The following SCML2 variants were observed in gnomAD, a reference collection of about 807,000 sequenced individuals.
SCML2 encodes the protein Scm polycomb group protein like 2.
SCML2 carries 6 observed loss-of-function variants against 48.4 expected under a neutral mutation model. The observed-to-expected ratio is 0.12, with a 90% CI of 0.07 to 0.24. The LOEUF (loss-of-function observed/expected upper bound fraction) is 0.24. Ranked by LOEUF, SCML2 falls within the 10% of genes least tolerant of loss-of-function variation. The probability of loss-of-function intolerance (pLI) is 1.00; values close to 1 mark genes in which losing one functional copy is unlikely to be tolerated. For missense variants in SCML2, 377 were observed against 528.2 expected, an observed-to-expected ratio of 0.71 and a Z score of 2.81; for synonymous variants, 181 against 189.5, an observed-to-expected ratio of 0.95 and a Z score of 0.37.
chrX:18,329,864 G>A (rs6527846), intron 3 of SCML2, among the ~76,000 whole-genome samples: 1 of 112,190 alleles, frequency 8.9e-6, no homozygotes, highest in African/African-American at 3.2e-5. Context: ...GATCACCTGA[G>A]GTCAGAGGTT....
chrX:18,320,317 TA>T lies in SCML2; in HGVS notation c.486+14del. ...ACAATAAAAACATGGCAGCTTTTTA[TA>T]ACATCTTTCTTACCTTCTTAAATAA... On this transcript the variant is annotated intron_variant, in intron 6 of 14. Transcript: ENST00000251900. 9.6e-7 allele frequency: 1 copy of T among 1,042,188 alleles called. No individual in the cohort carries two copies. Among genetic ancestry groups the T allele is most frequent in the Non-Finnish European group, 1.3e-6 (1 of 767,217 alleles). The allele number at this position is 1,042,188 out of a possible 1,213,427, so 85.9% of individuals were successfully genotyped here. A position where few individuals can be genotyped will look rare whatever the true frequency, so the allele number is the denominator to read the frequency against.
At chrX:18,351,357 G>A (rs1355952939) in intron 1 of SCML2, among the ~76,000 whole-genome samples, 1 of 110,622 alleles carries the variant, frequency 9.0e-6, no homozygotes, top group Non-Finnish European at 1.9e-5. Flanking sequence ...CAAATTCTAA[G>A]GTATTATGTA....
intron 6 of SCML2, among the ~76,000 whole-genome samples, chrX:18,312,493 C>T (rs1436966550): frequency 2.7e-5 from 3 of 110,282 alleles, no homozygotes; most frequent in Non-Finnish European, 5.7e-5. Flanking sequence ...AGCTGTTATA[C>T]TATATTTTTT....
intron 12 of SCML2, 91 bp downstream of exon 12, chrX:18,247,678 C>T (rs1266568583): frequency 6.1e-6 from 4 of 650,870 alleles, no homozygotes; most frequent in Non-Finnish European, 9.3e-6. Flanking sequence ...AATTTACCTC[C>T]CTACCTCCAA....
chrX:18,343,817 A>T (rs771057318), intron 1 of SCML2, among the ~76,000 whole-genome samples: 1 of 103,993 alleles, frequency 9.6e-6, no homozygotes, highest in South Asian at 4.5e-4. Context: ...GCCGGATTAC[A>T]ATCACACCTG....
At chrX:18,318,952 T>C (rs1385492016) in intron 6 of SCML2, among the ~76,000 whole-genome samples, 1 of 111,878 alleles carries the variant, frequency 8.9e-6, no homozygotes, top group Non-Finnish European at 1.9e-5. Flanking sequence ...AAGAGGTAAT[T>C]AAGTTAAAAT....
At chrX:18,245,990 C>T (rs1486600190) in intron 13 of SCML2, among the ~76,000 whole-genome samples, 6 of 112,330 alleles carry the variant, frequency 5.3e-5, no homozygotes, top group African/African-American at 1.9e-4. Context: ...CTGCCTGCCT[C>T]GGCCTCCCAA....
chrX:18,317,326 G>A (rs1929155068), intron 6 of SCML2, among the ~76,000 whole-genome samples: 1 of 111,818 alleles, frequency 8.9e-6, no homozygotes, highest in South Asian at 3.7e-4. Context: ...ATGTGGAGAT[G>A]ACCCAATCAT....
intron 6 of SCML2, among the ~76,000 whole-genome samples, chrX:18,306,795 T>C (rs1928771841): frequency 9.0e-6 from 1 of 111,034 alleles, no homozygotes; most frequent in Non-Finnish European, 1.9e-5. Context: ...GCTCCTTAAT[T>C]ATTAGCTTCC....
At chrX:18,335,412 G>GA (rs2052648201) in intron 1 of SCML2, among the ~76,000 whole-genome samples, 1 of 111,226 alleles carries the variant, frequency 9.0e-6, no homozygotes, top group South Asian at 3.8e-4. Flanking sequence ...GCTGAGGTGG[G>GA]AAAATCACCT....
intron 2 of SCML2, among the ~76,000 whole-genome samples, chrX:18,331,998 T>G: frequency 8.9e-6 from 1 of 112,525 alleles, no homozygotes; most frequent in Non-Finnish European, 1.9e-5. Flanking sequence ...TGTGTATTTC[T>G]CACAGGAGGC....
Position 18,317,850 on chromosome X carries a change from A to G in SCML2, c.486+2482T>C, listed in dbSNP as rs948240773. ...CTCCGTCTCAAAAAAAAAAAAAAAA[A>G]AAAGAAAAAGGTCTGGGAGAACAAA... On this transcript the variant is annotated intron_variant, in intron 6 of 14. Coordinates refer to ENST00000251900, the MANE Select transcript of SCML2 (RefSeq NM_006089.3). Among the ~76,000 whole-genome samples, 6 of 109,095 alleles carry G rather than the reference A, an allele frequency of 5.5e-5. No homozygotes were observed. In the East Asian group the frequency reaches 8.6e-4, roughly 16 times the overall value. The allele number at this position is 109,095 out of a possible 115,157, so 94.7% of individuals were successfully genotyped here.
At chrX:18,302,487 G>A (rs1054458214) in intron 7 of SCML2, among the ~76,000 whole-genome samples, 2 of 110,953 alleles carry the variant, frequency 1.8e-5, no homozygotes, top group African/African-American at 3.3e-5. Context: ...TCGAACCCAC[G>A]GATTCAAACC....
At chrX:18,260,137 G>A (rs762321560) in intron 9 of SCML2, 34 bp downstream of exon 9, 1 of 1,026,621 alleles carries the variant, frequency 9.7e-7, no homozygotes, top group South Asian at 2.6e-5. Context: ...TAAAAGATTA[G>A]TAATTCTATA....
In SCML2 at chrX:18,319,603, A is replaced by C. The variant is rs767471801; in HGVS notation, c.486+729T>G. ...CAGGTGAGACTCTGTCTCAAAAAAA[A>C]AAAACAAAAAAAAAAAAACCTGCTG... On this transcript the variant is annotated intron_variant, in intron 6 of 14. Transcript: ENST00000251900. 1.6e-3 allele frequency among the ~76,000 whole-genome samples: 170 copies of C among 108,516 alleles called. 2 individuals are homozygous for C. Among genetic ancestry groups the C allele is most frequent in the African/African-American group, 5.1e-3 (150 of 29,673 alleles). The allele number at this position is 108,516 out of a possible 115,157, so 94.2% of individuals were successfully genotyped here. A position where few individuals can be genotyped will look rare whatever the true frequency, so the allele number is the denominator to read the frequency against.
chrX:18,352,610 T>C (rs1260493940), intron 1 of SCML2, among the ~76,000 whole-genome samples: 1 of 111,930 alleles, frequency 8.9e-6, no homozygotes, highest in East Asian at 2.8e-4. Context: ...GTGGAAAGCC[T>C]TAAACACCCT....
At chrX:18,271,272 T>C (rs746426320) in intron 7 of SCML2, among the ~76,000 whole-genome samples, 3 of 111,097 alleles carry the variant, frequency 2.7e-5, no homozygotes, top group Admixed American at 9.6e-5. Context: ...TGAGGAAACA[T>C]AGGCTCTGTG....
chrX:18,343,760 CAAAAAAA>C (rs1196514399), intron 1 of SCML2, among the ~76,000 whole-genome samples: 10 of 38,479 alleles, frequency 2.6e-4, no homozygotes, highest in Non-Finnish European at 3.8e-4. Flanking sequence ...GACTCTGTCT[CAAAAAAA>C]AAAAAAAAAA....
chrX:18,324,403 T>C lies in SCML2; in HGVS notation c.163-310A>G, dbSNP rs1168989566. Among the ~76,000 whole-genome samples the C allele has an allele frequency of 2.7e-5, 3 of 111,746 alleles. No homozygotes were observed. The South Asian group carries it at 1.1e-3, about 42-fold the overall frequency. On this transcript the variant is annotated intron_variant, in intron 4 of 14. Coordinates refer to ENST00000251900, the MANE Select transcript of SCML2 (RefSeq NM_006089.3). Reference sequence around the variant, plus strand: ...CTGATTAGACCATTCCCCTTGAAATTAGCCAACCAGCAGCTCACCACTGCC... The same window carrying C: ...CTGATTAGACCATTCCCCTTGAAATCAGCCAACCAGCAGCTCACCACTGCC...
Sources: gnomAD v4.1 joint callset for allele counts (sites outside exome capture counted in the v4.1 genomes callset) on GRCh38, gnomAD v4.1.1 for gene constraint, MANE v1.5 for transcripts, NCBI Gene and HGNC (gene_info 2026-07-23, HGNC 2026-07-21) for gene names.